GMDS: variants seen among roughly 807,000 people sequenced by gnomAD.
GMDS encodes the protein GDP-mannose 4,6-dehydratase.
In GMDS, 20 loss-of-function variants were observed where a neutral mutation model predicts 49.9. The observed-to-expected ratio is 0.40, with a 90% CI of 0.28 to 0.58. GMDS has a LOEUF of 0.58. GMDS is among the 20% of genes least tolerant of loss of function. The pLI is 0.42. For synonymous variants in GMDS, 177 were observed against 178.6 expected, an observed-to-expected ratio of 0.99 and a Z score of 0.07; for missense variants, 362 against 481.4, an observed-to-expected ratio of 0.75 and a Z score of 2.32.
At chr6:2,064,007 A>G (rs1771355970) in intron 4 of GMDS, among the ~76,000 whole-genome samples, 1 of 152,258 alleles carries the variant, frequency 6.6e-6, no homozygotes, top group Admixed American at 6.5e-5. Context: ...GGGCAAATTG[A>G]GTTATCTAAA....
intron 9 of GMDS, among the ~76,000 whole-genome samples, chr6:1,715,537 TG>T (rs1766143850): frequency 1.3e-5 from 2 of 152,208 alleles, no homozygotes; most frequent in African/African-American, 4.8e-5. Context: ...GCTGACTGCC[TG>T]GGGGAACAGG....
chr6:1,751,506 T>C (rs1287341167), intron 7 of GMDS, among the ~76,000 whole-genome samples: 2 of 152,192 alleles, frequency 1.3e-5, no homozygotes, highest in African/African-American at 2.4e-5. Context: ...TGTTTGTTTG[T>C]TTGTTTGAGA....
chr6:1,651,792 T>C (rs1362902295), intron 9 of GMDS, among the ~76,000 whole-genome samples: 1 of 152,166 alleles, frequency 6.6e-6, no homozygotes, highest in African/African-American at 2.4e-5. Context: ...AGATAATGTG[T>C]ATGCAAAAGC....
rs149217076 is a variant in GMDS, at chr6:1,692,165, G to A, written c.987+34251C>T. Among the ~76,000 whole-genome samples, 1,020 of 152,302 alleles carry A rather than the reference G, an allele frequency of 6.7e-3. 9 individuals carry two copies. Among genetic ancestry groups the A allele is most frequent in the African/African-American group, 0.024 (989 of 41,572 alleles). On this transcript the variant is annotated intron_variant, in intron 9 of 10. Transcript: ENST00000380815. ...CAAGTTCTTCAGCTTTTGAACTCTT[G>A]GACTTATACTAGTGATTTGCCAGGG...
chr6:2,180,395 C>A (rs962993272), intron 1 of GMDS, among the ~76,000 whole-genome samples: 3 of 152,118 alleles, frequency 2.0e-5, no homozygotes, highest in African/African-American at 4.8e-5. Flanking sequence ...TGTGGTAATT[C>A]CAAGTTTGAC....
intron 6 of GMDS, among the ~76,000 whole-genome samples, chr6:1,938,968 C>CTCTCT (rs1365461566): frequency 1.5e-5 from 2 of 135,984 alleles, no homozygotes; most frequent in African/African-American, 5.9e-5. Context: ...CCCTCCCCTC[C>CTCTCT]CCTCCCCTCC....
In GMDS at chr6:1,766,225, G is replaced by A. The variant is rs1170177451; in HGVS notation, c.772-23639C>T. Among the ~76,000 whole-genome samples, 1 of 152,148 alleles carries A rather than the reference G, an allele frequency of 6.6e-6. No homozygotes were observed. The highest frequency in any genetic ancestry group is 2.4e-5 in the African/African-American group (1 of 41,432). ...TTTTTGTGTGTGGCACAGAAGCAAGGAGAAGTTAGCTAATTTAAGCTGATG... is the reference window on the plus strand; with the variant it reads ...TTTTTGTGTGTGGCACAGAAGCAAGAAGAAGTTAGCTAATTTAAGCTGATG... On this transcript the variant is annotated intron_variant, in intron 7 of 10. Coordinates refer to ENST00000380815, the MANE Select transcript of GMDS (RefSeq NM_001500.4). This position sits in a 1 kb window ranked among gnomAD's most constrained non-coding sequence, Gnocchi z 4.5.
At chr6:1,678,713 G>T (rs902744537) in intron 9 of GMDS, among the ~76,000 whole-genome samples, 1 of 152,092 alleles carries the variant, frequency 6.6e-6, no homozygotes, top group African/African-American at 2.4e-5. Context: ...AGAGATAAAA[G>T]ATTAAAATAA....
At chr6:1,763,119 G>A (rs1019008472) in intron 7 of GMDS, among the ~76,000 whole-genome samples, 7 of 152,140 alleles carry the variant, frequency 4.6e-5, no homozygotes, top group African/African-American at 1.7e-4. Context: ...GATCGCAAAG[G>A]GAAAGACAAG....
chr6:1,694,136 G>C (rs959743870), intron 9 of GMDS, among the ~76,000 whole-genome samples: 1 of 152,144 alleles, frequency 6.6e-6, no homozygotes, highest in African/African-American at 2.4e-5. Context: ...CTGATGACTT[G>C]ACAAAGCATA....
chr6:1,748,734 G>GT (rs1387161996), intron 7 of GMDS, among the ~76,000 whole-genome samples: 3 of 152,210 alleles, frequency 2.0e-5, no homozygotes, highest in Non-Finnish European at 4.4e-5. Context: ...CAATAAAACA[G>GT]TTACAGGGCC....
chr6:1,999,981 T>TATATATATATA (rs1491406850), intron 4 of GMDS, among the ~76,000 whole-genome samples: 1 of 15,930 alleles, frequency 6.3e-5, no homozygotes, highest in Non-Finnish European at 1.2e-4. Context: ...TATATATATA[T>TATATATATATA]TTTATATATA....
At chr6:1,685,784 T>G (rs1349350498) in intron 9 of GMDS, among the ~76,000 whole-genome samples, 1 of 152,082 alleles carries the variant, frequency 6.6e-6, no homozygotes, top group Non-Finnish European at 1.5e-5. Context: ...GGATGGAGAT[T>G]TTCCCAATCA....
intron 9 of GMDS, among the ~76,000 whole-genome samples, chr6:1,654,255 T>G (rs965455998): frequency 1.4e-4 from 22 of 152,238 alleles, no homozygotes; most frequent in African/African-American, 5.3e-4. Context: ...TTTCCACTTC[T>G]GGGCTAGTAA....
At chr6:2,224,320 T>C (rs550750581) in intron 1 of GMDS, among the ~76,000 whole-genome samples, 112 of 152,354 alleles carry the variant, frequency 7.4e-4, no homozygotes, top group African/African-American at 2.7e-3. Context: ...GTTGGGTTAC[T>C]GTGCTTCATC....
chr6:1,731,217 CAGA>C (rs151076042), intron 8 of GMDS, among the ~76,000 whole-genome samples: 418 of 152,216 alleles, frequency 2.7e-3, no homozygotes, highest in African/African-American at 9.7e-3. Flanking sequence ...CATGAAAAAC[CAGA>C]AGAAGGAAGA....
chr6:1,705,098 T>C (rs567687792), intron 9 of GMDS, among the ~76,000 whole-genome samples: 23 of 152,210 alleles, frequency 1.5e-4, no homozygotes, highest in Non-Finnish European at 7.3e-5. Context: ...CTACTGAACA[T>C]TTTGACCAGT....
At chr6:2,198,878 A>G (rs191024036) in intron 1 of GMDS, among the ~76,000 whole-genome samples, 16 of 152,294 alleles carry the variant, frequency 1.1e-4, no homozygotes, top group African/African-American at 3.8e-4. Context: ...TAAGACCACA[A>G]TTGGTTAGAA....
rs183122105 is a variant in GMDS, at chr6:2,229,211, G to T, written c.102+16110C>A. 2.6e-5 allele frequency among the ~76,000 whole-genome samples: 4 copies of T among 152,288 alleles called. No homozygotes were observed. The East Asian group carries it at 7.7e-4, about 29-fold the overall frequency. ...CAGGATAACAATGTTCTCATTTCCA[G>T]AAGATCATTACGCAAGGCACTTTCT... On this transcript the variant is annotated intron_variant, in intron 1 of 10. Coordinates refer to ENST00000380815, the MANE Select transcript of GMDS (RefSeq NM_001500.4).
Sources: allele counts gnomAD v4.1 joint callset (sites outside exome capture counted in the v4.1 genomes callset), GRCh38; gene constraint gnomAD v4.1.1; non-coding constraint Gnocchi (gnomAD v3.1); transcripts MANE v1.5; gene names NCBI Gene and HGNC (gene_info 2026-07-23, HGNC 2026-07-21).